GRK5: variants seen among roughly 807,000 people sequenced by gnomAD.
GRK5 encodes g protein-coupled receptor kinase GRK5.
Under a neutral mutation model 78.4 loss-of-function variants are expected in GRK5, and 40 were observed. The ratio of observed to expected loss-of-function variants is 0.51; its 90% CI spans 0.40 to 0.66. The LOEUF is 0.66. GRK5 is among the 30% of genes least tolerant of loss of function. GRK5 has a pLI of 0.00. For synonymous variants in GRK5, 289 were observed against 296.8 expected (o/e 0.97, Z 0.27); for missense variants, 598 against 759.9 (o/e 0.79, Z 2.50).
intron 1 of GRK5, among the ~76,000 whole-genome samples, chr10:119,266,920 G>A (rs1044821382): frequency 4.6e-5 from 7 of 151,918 alleles, no homozygotes; most frequent in African/African-American, 1.2e-4. Context: ...CACTGCAGGC[G>A]TGTGCCACCA....
chr10:119,449,247 G>C (rs186643607), intron 13 of GRK5, among the ~76,000 whole-genome samples: 1 of 152,184 alleles, frequency 6.6e-6, no homozygotes, highest in Non-Finnish European at 1.5e-5. Flanking sequence ...GGGCCTCTGC[G>C]TCCCCCTCTC....
At chr10:119,322,990 C>T (rs1002413286) in intron 1 of GRK5, among the ~76,000 whole-genome samples, 4 of 152,236 alleles carry the variant, frequency 2.6e-5, no homozygotes, top group Non-Finnish European at 5.9e-5. Context: ...AAATGAAGTT[C>T]TGACACATGC....
At chr10:119,250,594 C>T (rs1849183841) in intron 1 of GRK5, among the ~76,000 whole-genome samples, 1 of 149,484 alleles carries the variant, frequency 6.7e-6, no homozygotes, top group Non-Finnish European at 1.5e-5. Flanking sequence ...AATGATCCTA[C>T]TGCCTCGGCC....
intron 1 of GRK5, among the ~76,000 whole-genome samples, chr10:119,230,509 C>G (rs1440891764): frequency 6.6e-6 from 1 of 152,058 alleles, no homozygotes; most frequent in East Asian, 1.9e-4. Context: ...GAAACTCCCC[C>G]TTATAATAAC....
chr10:119,359,965 G>C (rs1851332007), intron 2 of GRK5, among the ~76,000 whole-genome samples: 1 of 151,922 alleles, frequency 6.6e-6, no homozygotes, highest in African/African-American at 2.4e-5. Flanking sequence ...GGGGCTTGAG[G>C]AGGCTGGGGA....
intron 4 of GRK5, among the ~76,000 whole-genome samples, chr10:119,418,214 A>C (rs1308467701): frequency 6.6e-6 from 1 of 152,212 alleles, no homozygotes; most frequent in Admixed American, 6.5e-5. Flanking sequence ...TTTTACCTCC[A>C]GGTGAAGGGG....
At chr10:119,286,022 C>G (rs1009397233) in intron 1 of GRK5, among the ~76,000 whole-genome samples, 2 of 148,634 alleles carry the variant, frequency 1.3e-5, no homozygotes, top group Non-Finnish European at 3.0e-5. Flanking sequence ...GGGGGTTATT[C>G]TTTCTATTAA....
intron 2 of GRK5, among the ~76,000 whole-genome samples, chr10:119,343,387 C>T (rs1851017170): frequency 6.6e-6 from 1 of 152,244 alleles, no homozygotes; most frequent in Admixed American, 6.5e-5. Flanking sequence ...CAGACACACA[C>T]TCGTCCAATC....
intron 1 of GRK5, among the ~76,000 whole-genome samples, chr10:119,298,437 G>A (rs1189767513): frequency 6.6e-6 from 1 of 152,288 alleles, no homozygotes; most frequent in East Asian, 1.9e-4. Flanking sequence ...TGGTCCCACC[G>A]ATGGCCGTGA....
In GRK5 at chr10:119,253,435, C is replaced by T. The variant is rs1020467544; in HGVS notation, c.52+45466C>T. On this transcript the variant is annotated intron_variant, in intron 1 of 15. Coordinates refer to ENST00000392870, the MANE Select transcript of GRK5 (RefSeq NM_005308.3). The surrounding 1 kb of genome is among the most constrained non-coding windows in gnomAD (Gnocchi z 5.7). ...CAGCCTCCCCACCACCCCTGCCCTC[C>T]GTTCCTTTTATATTTAAATCAGAAG... Among the ~76,000 whole-genome samples the T allele has an allele frequency of 2.0e-5, 3 of 152,170 alleles. No homozygotes were observed. The highest frequency in any genetic ancestry group is 4.8e-5 in the African/African-American group (2 of 41,434).
At chr10:119,365,173 A>C (rs1564906509) in intron 2 of GRK5, among the ~76,000 whole-genome samples, 3 of 152,348 alleles carry the variant, frequency 2.0e-5, no homozygotes, top group South Asian at 2.1e-4. Flanking sequence ...AGAGAAACGC[A>C]CATGTTTTAG....
At chr10:119,284,547 A>T (rs941224210) in intron 1 of GRK5, among the ~76,000 whole-genome samples, 2 of 152,220 alleles carry the variant, frequency 1.3e-5, no homozygotes, top group African/African-American at 4.8e-5. Flanking sequence ...AATCCAGTTT[A>T]TCTTACCTCA....
chr10:119,343,974 A>T (rs1191507108), intron 2 of GRK5, among the ~76,000 whole-genome samples: 1 of 152,064 alleles, frequency 6.6e-6, no homozygotes, highest in Non-Finnish European at 1.5e-5. Context: ...TCCACTTCTG[A>T]TGACGGTAGC....
intron 1 of GRK5, among the ~76,000 whole-genome samples, chr10:119,276,109 T>C (rs1849665808): frequency 6.6e-6 from 1 of 152,188 alleles, no homozygotes; most frequent in Non-Finnish European, 1.5e-5. Flanking sequence ...CTGTTGTAAA[T>C]GGTGAGTTTT....
At chr10:119,440,423 G>C (rs1467874484) in intron 10 of GRK5, among the ~76,000 whole-genome samples, 1 of 151,808 alleles carries the variant, frequency 6.6e-6, no homozygotes, top group Admixed American at 6.6e-5. Context: ...ACTTGCTCAG[G>C]CTAGAGTGCA....
intron 1 of GRK5, among the ~76,000 whole-genome samples, chr10:119,301,376 T>G (rs1266681191): frequency 2.0e-5 from 3 of 152,208 alleles, no homozygotes; most frequent in Non-Finnish European, 4.4e-5. Flanking sequence ...CTTTGAGATT[T>G]GGGCCTGTGG....
At chr10:119,448,291 C>G in intron 13 of GRK5, 31 bp downstream of exon 13, 3 of 1,573,306 alleles carry the variant, frequency 1.9e-6, no homozygotes, top group Non-Finnish European at 2.6e-6. Context: ...CCCAGCAGCT[C>G]CCTTCACAGG....
intron 4 of GRK5, among the ~76,000 whole-genome samples, chr10:119,404,030 G>A (rs1270629601): frequency 6.6e-6 from 1 of 151,940 alleles, no homozygotes; most frequent in African/African-American, 2.4e-5. Context: ...TTTCATTGGG[G>A]TATATACATA....
intron 2 of GRK5, chr10:119,333,922 C>G (rs574325309): frequency 2.0e-6 from 1 of 499,516 alleles, no homozygotes; most frequent in Non-Finnish European, 4.0e-6. Flanking sequence ...ATCCCCACTT[C>G]CCTGGAGGAA....
Sources: allele counts gnomAD v4.1 joint callset (sites outside exome capture counted in the v4.1 genomes callset), GRCh38; gene constraint gnomAD v4.1.1; non-coding constraint Gnocchi (gnomAD v3.1); transcripts MANE v1.5; gene names NCBI Gene and HGNC (gene_info 2026-07-23, HGNC 2026-07-21).